Variants in DPP10 observed in about 807,000 individuals in gnomAD.
The protein encoded by DPP10 is inactive dipeptidyl peptidase 10.
DPP10 carries 33 observed loss-of-function variants against 120.9 expected under a neutral mutation model. That is an observed-to-expected ratio of 0.27 (90% confidence interval 0.21 to 0.37). The LOEUF is 0.37. Ranked by LOEUF, DPP10 falls within the 10% of genes least tolerant of loss-of-function variation. The pLI, the probability that DPP10 is intolerant of heterozygous loss-of-function variation, is 1.00. For missense variants in DPP10, 816 were observed against 942.8 expected (o/e 0.87, Z 1.76); for synonymous variants, 337 against 326.1 (o/e 1.03, Z -0.36).
chr2:115,775,714 T>A (rs908294122), intron 13 of DPP10, among the ~76,000 whole-genome samples: 8 of 152,008 alleles, frequency 5.3e-5, no homozygotes, highest in Non-Finnish European at 7.4e-5. Flanking sequence ...CAACACGAAA[T>A]TAAAACAGTA....
intron 1 of DPP10, among the ~76,000 whole-genome samples, chr2:114,890,942 A>G (rs1276220458): frequency 1.3e-5 from 2 of 152,114 alleles, no homozygotes; most frequent in Non-Finnish European, 2.9e-5. Flanking sequence ...AGGGTACAAT[A>G]TAGCCAAATG....
At chr2:115,464,881 T>C (rs1168571784) in intron 3 of DPP10, among the ~76,000 whole-genome samples, 1 of 152,106 alleles carries the variant, frequency 6.6e-6, no homozygotes, top group African/African-American at 2.4e-5. Flanking sequence ...ACTTACTCAG[T>C]TCACAGTTAG....
rs569678830 is a variant in DPP10, at chr2:114,886,517, T to C, written c.61-422722T>C. Among the ~76,000 whole-genome samples the C allele has an allele frequency of 1.2e-4, 18 of 152,326 alleles. No homozygotes were observed. In the South Asian group the frequency reaches 3.5e-3, roughly 30 times the overall value. On this transcript the variant is annotated intron_variant, in intron 1 of 25. Coordinates refer to ENST00000410059, the MANE Select transcript of DPP10 (RefSeq NM_020868.6). The stretch of plus-strand genomic sequence containing the variant: ...GAATTTATCTATGCAGCAGCTAATA[T>C]AGTGAAAAGTACCGTGATCTATGGT...
At chr2:115,840,326 T>G (rs1475922936) in intron 24 of DPP10, among the ~76,000 whole-genome samples, 9 of 112,166 alleles carry the variant, frequency 8.0e-5, no homozygotes, top group African/African-American at 3.1e-4. Flanking sequence ...TTGGTTTTTT[T>G]TTTTTTTTTT....
chr2:115,490,672 G>A (rs762906731), intron 3 of DPP10, among the ~76,000 whole-genome samples: 11 of 152,078 alleles, frequency 7.2e-5, no homozygotes, highest in Non-Finnish European at 4.4e-5. Context: ...CATTAACAAT[G>A]CTAAGTTTAA....
chr2:115,591,487 A>G (rs2082659099), intron 5 of DPP10, among the ~76,000 whole-genome samples: 1 of 152,074 alleles, frequency 6.6e-6, no homozygotes, highest in African/African-American at 2.4e-5. Context: ...TTATTTCTGC[A>G]GACTCTGTTC....
Position 115,370,614 on chromosome 2 carries a change from G to A in DPP10, c.271+26702G>A, listed in dbSNP as rs78075091. On this transcript the variant is annotated intron_variant, in intron 3 of 25. Transcript: ENST00000410059. ...TGGAAGGATAGTTTTTAACAAGAAG[G>A]TACATTTAAACAAACAAGGACTCCA... 5.2e-3 allele frequency among the ~76,000 whole-genome samples: 793 copies of A among 152,140 alleles called. 7 individuals are homozygous for A. The highest frequency in any genetic ancestry group is 0.018 in the African/African-American group (742 of 41,520).
At chr2:115,806,343 G>A (rs928927091) in intron 19 of DPP10, among the ~76,000 whole-genome samples, 8 of 151,966 alleles carry the variant, frequency 5.3e-5, no homozygotes, top group East Asian at 1.9e-4. Flanking sequence ...TTTCTTTACC[G>A]CTATATGTCG....
intron 1 of DPP10, among the ~76,000 whole-genome samples, chr2:114,926,022 G>T (rs1176765581): frequency 6.6e-6 from 1 of 152,184 alleles, no homozygotes; most frequent in Non-Finnish European, 1.5e-5. Flanking sequence ...GTCTGGCATT[G>T]AAATAGACAA....
intron 1 of DPP10, among the ~76,000 whole-genome samples, chr2:115,041,098 G>A (rs1310291170): frequency 1.4e-5 from 2 of 139,698 alleles, no homozygotes; most frequent in East Asian, 2.1e-4. Flanking sequence ...CAGCCTGGGC[G>A]ACAGAGCCTA....
rs369665552 is a variant in DPP10 at position 115,603,560 on chromosome 2, G to T, written c.441+77588G>T. Reference sequence around the variant, plus strand: ...ACTACTGTGTGTTTTCGTTGTTGTTGTTTTTTTTTGTTTTTTTTTTTTTTG... The same window carrying T: ...ACTACTGTGTGTTTTCGTTGTTGTTTTTTTTTTTTGTTTTTTTTTTTTTTG... On this transcript the variant is annotated intron_variant, in intron 5 of 25. Transcript: ENST00000410059. 9.6e-3 allele frequency among the ~76,000 whole-genome samples: 1,210 copies of T among 126,404 alleles called. 21 individuals are homozygous for T. The highest frequency in any genetic ancestry group is 0.024 in the African/African-American group (804 of 32,960). The allele number at this position is 126,404 out of a possible 152,430, so 82.9% of individuals were successfully genotyped here.
At chr2:114,681,149 A>T (rs1232517739) in intron 1 of DPP10, among the ~76,000 whole-genome samples, 1 of 151,932 alleles carries the variant, frequency 6.6e-6, no homozygotes, top group Non-Finnish European at 1.5e-5. Context: ...GTCTTTTTCA[A>T]TGTTCAATCA....
intron 1 of DPP10, among the ~76,000 whole-genome samples, chr2:115,222,866 C>CT (rs1290956280): frequency 6.6e-6 from 1 of 151,890 alleles, no homozygotes; most frequent in East Asian, 1.9e-4. Context: ...ATTCCACTGA[C>CT]TTTTTTTTCT....
intron 1 of DPP10, among the ~76,000 whole-genome samples, chr2:114,894,923 A>G (rs1692841847): frequency 6.6e-6 from 1 of 152,200 alleles, no homozygotes; most frequent in African/African-American, 2.4e-5. Context: ...AAAAGGAAAT[A>G]GTGTGATACT....
At chr2:115,295,279 A>G (rs2060834642) in intron 1 of DPP10, among the ~76,000 whole-genome samples, 2 of 152,118 alleles carry the variant, frequency 1.3e-5, no homozygotes, top group African/African-American at 4.8e-5. Context: ...GTCCTCCTTT[A>G]AGCAGAGCAC....
intron 1 of DPP10, among the ~76,000 whole-genome samples, chr2:114,812,375 A>T (rs1032678929): frequency 2.0e-5 from 3 of 152,080 alleles, no homozygotes; most frequent in Admixed American, 1.3e-4. Flanking sequence ...GCCAAAGTGG[A>T]AGGACTGCTT....
chr2:114,648,458 T>A (rs1450436485), intron 1 of DPP10, among the ~76,000 whole-genome samples: 1 of 152,192 alleles, frequency 6.6e-6, no homozygotes, highest in Non-Finnish European at 1.5e-5. Flanking sequence ...CTCCCTTGCT[T>A]AAGTGGCTCA....
intron 7 of DPP10, among the ~76,000 whole-genome samples, chr2:115,702,597 T>C (rs958947112): frequency 2.0e-5 from 3 of 152,070 alleles, no homozygotes; most frequent in Non-Finnish European, 2.9e-5. Flanking sequence ...AAGGAGCCAG[T>C]CTTCTTTCAG....
intron 1 of DPP10, among the ~76,000 whole-genome samples, chr2:114,677,664 G>A (rs1173729792): frequency 6.6e-6 from 1 of 152,098 alleles, no homozygotes; most frequent in Non-Finnish European, 1.5e-5. Context: ...TGGAGGCAAT[G>A]TTTGCCTTTT....
Sources: gnomAD v4.1 joint callset for allele counts (sites outside exome capture counted in the v4.1 genomes callset) on GRCh38, gnomAD v4.1.1 for gene constraint, MANE v1.5 for transcripts, NCBI Gene and HGNC (gene_info 2026-07-23, HGNC 2026-07-21) for gene names.